STK32B: variants seen among roughly 807,000 people sequenced by gnomAD.
STK32B encodes serine/threonine-protein kinase 32B.
Under a neutral mutation model 52.6 loss-of-function variants are expected in STK32B, and 43 were observed. The ratio of observed to expected loss-of-function variants is 0.82; its 90% CI spans 0.64 to 1.05. STK32B has a LOEUF of 1.05. Among genes scored for constraint, STK32B ranks in the 50% least tolerant of loss-of-function variants. The probability of loss-of-function intolerance (pLI) is 0.00; values close to 1 mark genes in which losing one functional copy is unlikely to be tolerated. For synonymous variants in STK32B, 238 were observed against 204.3 expected (o/e 1.17, Z -1.41); for missense variants, 621 against 534.6 (o/e 1.16, Z -1.59).
At chr4:5,021,801 T>A in the STK32B span, among the ~76,000 whole-genome samples, 47 of 152,206 alleles carry the variant, frequency 3.1e-4, 1 homozygote, top group African/African-American at 9.9e-4. Context: ...TGAGAATGAA[T>A]GAGTAAGTGG....
chr4:5,279,780 C>G (rs1014398523), intron 3 of STK32B, among the ~76,000 whole-genome samples: 3 of 152,200 alleles, frequency 2.0e-5, no homozygotes, highest in African/African-American at 4.8e-5. Context: ...TGTCTCAACA[C>G]CACGTGGAAG....
At chr4:5,449,098 T>C (rs112412091) in intron 7 of STK32B, among the ~76,000 whole-genome samples, 1 of 152,146 alleles carries the variant, frequency 6.6e-6, no homozygotes, top group Non-Finnish European at 1.5e-5. Flanking sequence ...TCCCAGTTCT[T>C]TGGGAGGCCG....
At chr4:5,319,680 A>G (rs934493892) in intron 3 of STK32B, among the ~76,000 whole-genome samples, 5 of 152,090 alleles carry the variant, frequency 3.3e-5, no homozygotes, top group Non-Finnish European at 7.4e-5. Context: ...CTCTGGTTCT[A>G]TCAACCAGGG....
At chr4:5,474,009 G>T (rs1161642267) in intron 11 of STK32B, among the ~76,000 whole-genome samples, 1 of 152,116 alleles carries the variant, frequency 6.6e-6, no homozygotes, top group Non-Finnish European at 1.5e-5. Context: ...AGCTACTTGG[G>T]AGGCTAAGTC....
At chr4:5,130,294 C>T (rs1167095337) in intron 1 of STK32B, among the ~76,000 whole-genome samples, 1 of 151,614 alleles carries the variant, frequency 6.6e-6, no homozygotes, top group Non-Finnish European at 1.5e-5. Flanking sequence ...GAGGCACAGC[C>T]AGGAGCCATG....
At chr4:5,253,897 G>A (rs568584797) in intron 3 of STK32B, among the ~76,000 whole-genome samples, 2 of 152,262 alleles carry the variant, frequency 1.3e-5, no homozygotes, top group African/African-American at 2.4e-5. Flanking sequence ...AAAGTGCCAG[G>A]CAACAGGCCC....
At chr4:5,209,674 G>C (rs1722788351) in intron 3 of STK32B, among the ~76,000 whole-genome samples, 1 of 151,372 alleles carries the variant, frequency 6.6e-6, no homozygotes, top group African/African-American at 2.4e-5. Flanking sequence ...AATCCCAGCA[G>C]CTGCCATCTA....
At chr4:5,102,151 C>T (rs547298533) in intron 1 of STK32B, among the ~76,000 whole-genome samples, 3 of 152,202 alleles carry the variant, frequency 2.0e-5, no homozygotes, top group Admixed American at 6.5e-5. Context: ...CCTCTGACCT[C>T]GGGCAAGTTA....
At chr4:5,324,111 T>C (rs908170897) in intron 3 of STK32B, among the ~76,000 whole-genome samples, 1 of 152,224 alleles carries the variant, frequency 6.6e-6, no homozygotes, top group Non-Finnish European at 1.5e-5. Flanking sequence ...CCTAGCACTT[T>C]GGGAGGCCGA....
At chr4:5,179,123 T>C (rs1040585310) in intron 3 of STK32B, among the ~76,000 whole-genome samples, 8 of 152,254 alleles carry the variant, frequency 5.3e-5, no homozygotes, top group Non-Finnish European at 4.4e-5. Context: ...AAACTTACAA[T>C]CATTGCAGAA....
chr4:5,232,401 C>T (rs186970184), intron 3 of STK32B, among the ~76,000 whole-genome samples: 3 of 152,266 alleles, frequency 2.0e-5, no homozygotes, highest in South Asian at 2.1e-4. Flanking sequence ...TCAACTCTAC[C>T]GAATCACAGA....
intron 3 of STK32B, among the ~76,000 whole-genome samples, chr4:5,177,154 T>C (rs1356011130): frequency 1.3e-5 from 2 of 152,304 alleles, no homozygotes; most frequent in South Asian, 2.1e-4. Context: ...CTGGGTGATT[T>C]ATAAAGGAAA....
chr4:5,485,476 C>T (rs904763892), intron 11 of STK32B, among the ~76,000 whole-genome samples: 1 of 152,068 alleles, frequency 6.6e-6, no homozygotes, highest in Non-Finnish European at 1.5e-5. Context: ...GGTTATTCTA[C>T]TTAGCCATTC....
At chr4:5,151,945 C>T (rs1338563496) in intron 2 of STK32B, among the ~76,000 whole-genome samples, 3 of 152,192 alleles carry the variant, frequency 2.0e-5, no homozygotes, top group African/African-American at 7.2e-5. Context: ...CCCCAATTCA[C>T]TTGAGATGAC....
At chr4:5,385,128 G>T (rs1736162826) in intron 4 of STK32B, among the ~76,000 whole-genome samples, 1 of 152,234 alleles carries the variant, frequency 6.6e-6, no homozygotes, top group South Asian at 2.1e-4. Context: ...GTAGGGGTTG[G>T]GTAGGAAGGA....
chr4:5,136,729 C>T (rs1307752491), intron 1 of STK32B, among the ~76,000 whole-genome samples: 2 of 152,212 alleles, frequency 1.3e-5, no homozygotes, highest in African/African-American at 4.8e-5. Context: ...TTGGCATTTT[C>T]ATTGACTGAA....
intron 4 of STK32B, among the ~76,000 whole-genome samples, chr4:5,392,609 C>A (rs1736655908): frequency 2.0e-5 from 3 of 152,000 alleles, no homozygotes; most frequent in Admixed American, 1.3e-4. Flanking sequence ...GTAGGTCTTA[C>A]CTCTACCGGT....
chr4:5,125,202 C>T (rs1715287566), intron 1 of STK32B, among the ~76,000 whole-genome samples: 1 of 128,082 alleles, frequency 7.8e-6, no homozygotes. Flanking sequence ...GCTTGGTCAA[C>T]ACCTTGATGT....
In STK32B at chr4:5,140,270, G is replaced by A. The variant is rs746231306; in HGVS notation, c.108+310G>A. ...AAAAAAACCCATAAACATCACAAAG[G>A]CAGCTCTTTCCAGCAACATAGACGT... On this transcript the variant is annotated intron_variant, in intron 2 of 11. Coordinates refer to ENST00000282908, the MANE Select transcript of STK32B (RefSeq NM_018401.3). The A allele has an allele frequency of 2.9e-6, 4 of 1,386,886 alleles. No homozygotes were observed. The South Asian group carries it at 4.9e-5, about 17-fold the overall frequency. 85.9% of individuals were successfully genotyped at this position (1,386,886 alleles called of 1,614,324 possible). A position where few individuals can be genotyped will look rare whatever the true frequency, so the allele number is the denominator to read the frequency against.
Sources: allele counts gnomAD v4.1 joint callset (sites outside exome capture counted in the v4.1 genomes callset), GRCh38; gene constraint gnomAD v4.1.1; transcripts MANE v1.5; gene names NCBI Gene and HGNC (gene_info 2026-07-23, HGNC 2026-07-21).